GRAP2: variants seen among roughly 807,000 people sequenced by gnomAD.
GRAP2 encodes the protein GRB2 related adaptor protein 2, also known as GRB2-related adapter protein 2.
GRAP2 carries 31 observed loss-of-function variants against 43.5 expected under a neutral mutation model. That is an observed-to-expected ratio of 0.71 (90% CI 0.54 to 0.96). The LOEUF is 0.96. Among genes scored for constraint, GRAP2 ranks in the 40% least tolerant of loss-of-function variants. The probability of loss-of-function intolerance (pLI) is 0.00; values close to 1 mark genes in which losing one functional copy is unlikely to be tolerated. For synonymous variants in GRAP2, 156 were observed against 164.8 expected (o/e 0.95, Z 0.41); for missense variants, 371 against 424.4 (o/e 0.87, Z 1.11).
chr22:39,911,890 C>T (rs137967), intron 1 of GRAP2, among the ~76,000 whole-genome samples: 69,133 of 151,930 alleles, frequency 0.46, 16,793 homozygotes, highest in East Asian at 0.67. Flanking sequence ...AGAATCTAAA[C>T]TGTGAAAAAA....
chr22:39,911,904 C>T (rs572587676), intron 1 of GRAP2, among the ~76,000 whole-genome samples: 1 of 152,248 alleles, frequency 6.6e-6, no homozygotes, highest in East Asian at 1.9e-4. Context: ...GAAAAAATTC[C>T]CCTGGTGATT....
At chr22:39,906,462 T>C (rs2066523948) in intron 1 of GRAP2, among the ~76,000 whole-genome samples, 1 of 152,206 alleles carries the variant, frequency 6.6e-6, no homozygotes, top group Non-Finnish European at 1.5e-5. Context: ...AGGGTTCGAC[T>C]GCTGAGTTGA....
chr22:39,946,771 T>C, intron 1 of GRAP2: 2 of 269,632 alleles, frequency 7.4e-6, no homozygotes, highest in South Asian at 1.1e-4. Flanking sequence ...CCTTCCCTCC[T>C]TATCAGCTGC....
intron 1 of GRAP2, among the ~76,000 whole-genome samples, chr22:39,927,303 C>A (rs1043582203): frequency 1.3e-5 from 2 of 152,152 alleles, no homozygotes; most frequent in Admixed American, 1.3e-4. Context: ...GGGTTTATTT[C>A]ATTGTTGATT....
intron 3 of GRAP2, among the ~76,000 whole-genome samples, chr22:39,959,203 GGCTGCAGCCACA>G (rs2067089869): frequency 6.6e-6 from 1 of 152,222 alleles, no homozygotes; most frequent in African/African-American, 2.4e-5. Context: ...CCTGCTTTGA[GGCTGCAGCCACA>G]GCTTGCCTGG....
chr22:39,957,272 G>C (rs1156503341), intron 3 of GRAP2, among the ~76,000 whole-genome samples: 2 of 152,128 alleles, frequency 1.3e-5, no homozygotes, highest in Non-Finnish European at 1.5e-5. Flanking sequence ...CGGAACCCTT[G>C]ATGCTGCCCA....
chr22:39,930,609 G>A (rs907862488), intron 1 of GRAP2, among the ~76,000 whole-genome samples: 2 of 152,046 alleles, frequency 1.3e-5, no homozygotes, highest in Non-Finnish European at 2.9e-5. Flanking sequence ...CTCCATCTTC[G>A]GTTCACCCTG....
intron 1 of GRAP2, among the ~76,000 whole-genome samples, chr22:39,912,693 A>G (rs2066575613): frequency 6.6e-6 from 1 of 152,230 alleles, no homozygotes; most frequent in Admixed American, 6.5e-5. Context: ...ATGTGCGACC[A>G]TAAACCATAG....
chr22:39,951,518 C>T (rs2066982041), intron 2 of GRAP2, among the ~76,000 whole-genome samples: 1 of 152,174 alleles, frequency 6.6e-6, no homozygotes, highest in Non-Finnish European at 1.5e-5. Context: ...ATTCTTCCAG[C>T]CGTAATTTGG....
At position 39,965,334 on chromosome 22, in the gene GRAP2, C is replaced by T. The variant is rs567931753; in HGVS notation, c.291-656C>T. 2.0e-5 allele frequency among the ~76,000 whole-genome samples: 3 copies of T among 152,298 alleles called. No individual in the cohort carries two copies. The South Asian group carries it at 6.2e-4, about 32-fold the overall frequency. On this transcript the variant is annotated intron_variant, in intron 4 of 7. Transcript: ENST00000344138. Reference sequence around the variant, plus strand: ...GTTGCAGTGAGCAGAGATCACACCACTGCACTCCAGCCTGGGCGACAGAGT... The same window carrying T: ...GTTGCAGTGAGCAGAGATCACACCATTGCACTCCAGCCTGGGCGACAGAGT...
chr22:39,969,437 A>G lies in GRAP2; in HGVS notation c.717A>G (p.Ile239Met), dbSNP rs1387536267. 1.9e-6 allele frequency: 3 copies of G among 1,613,894 alleles called. No homozygotes were observed. In the African/African-American group the frequency reaches 4.0e-5, roughly 22 times the overall value. Residue 239 changes from isoleucine (I) to methionine (M), a missense_variant, in exon 7 of 8, where the codon ATA becomes ATG. Coordinates refer to ENST00000344138, the MANE Select transcript of GRAP2 (RefSeq NM_004810.4). ...HQERRGGSLDINDGHCGTGLG... is the reference protein window; with the variant it reads ...HQERRGGSLDMNDGHCGTGLG... ...AACGCCGAGGAGGCAGCCTTGACAT[A>G]AATGATGGGCATTGTGGCACCGGCT...
At chr22:39,939,561 CAAAAA>C (rs386395434) in intron 1 of GRAP2, among the ~76,000 whole-genome samples, 2 of 64,168 alleles carry the variant, frequency 3.1e-5, no homozygotes, top group African/African-American at 1.3e-4. Flanking sequence ...GACTCCGTCT[CAAAAA>C]AAAAAAAAAA....
intron 1 of GRAP2, among the ~76,000 whole-genome samples, chr22:39,945,553 G>A (rs960977399): frequency 6.6e-6 from 1 of 152,156 alleles, no homozygotes; most frequent in Non-Finnish European, 1.5e-5. Context: ...TTAGGTTGGA[G>A]AGTATTTATT....
In GRAP2 at chr22:39,901,216, T is replaced by C. The variant is rs902898429; in HGVS notation, c.-129T>C. On this transcript the variant is annotated 5_prime_UTR_variant, in exon 1 of 8. Transcript: ENST00000344138. ...TGGAAGACAGCACAAAGTGGATCCA[T>C]ACTCTGAAATGCAGTAACTCTGATG... The C allele has an allele frequency of 5.9e-5, 59 of 998,600 alleles. No homozygotes were observed. Among genetic ancestry groups the C allele is most frequent in the Non-Finnish European group, 7.5e-5 (54 of 723,310 alleles). 61.9% of individuals were successfully genotyped at this position (998,600 alleles called of 1,614,324 possible).
intron 1 of GRAP2, among the ~76,000 whole-genome samples, chr22:39,916,801 C>T (rs1204671618): frequency 2.0e-5 from 3 of 152,150 alleles, no homozygotes; most frequent in South Asian, 4.1e-4. Flanking sequence ...AATCCTTGAG[C>T]TGTTTTATTA....
chr22:39,926,695 T>C (rs1884423924), intron 1 of GRAP2: 2 of 985,068 alleles, frequency 2.0e-6, no homozygotes, highest in African/African-American at 3.5e-5. Context: ...CATGCATGAG[T>C]CGGGGGATTG....
At chr22:39,949,929 A>G (rs2066964356) in intron 2 of GRAP2, among the ~76,000 whole-genome samples, 1 of 152,060 alleles carries the variant, frequency 6.6e-6, no homozygotes, top group Non-Finnish European at 1.5e-5. Flanking sequence ...GACAAATCAG[A>G]TCATATCATT....
intron 2 of GRAP2, among the ~76,000 whole-genome samples, chr22:39,950,808 G>C (rs2066974226): frequency 1.3e-5 from 2 of 152,188 alleles, no homozygotes; most frequent in Non-Finnish European, 2.9e-5. Context: ...GATGGTGATT[G>C]GTTCCCATGG....
In GRAP2 at chr22:39,955,926, CT is replaced by C. The variant is rs775544411; in HGVS notation, c.170+17del. ...AGTTTCCCAAGTAAGTATCTGCAGC[CT>C]GCTGAGATGGGCCTAGCCACACACA... On this transcript the variant is annotated intron_variant, in intron 3 of 7. Coordinates refer to ENST00000344138, the MANE Select transcript of GRAP2 (RefSeq NM_004810.4). 5 of 1,145,336 alleles carry C rather than the reference CT, an allele frequency of 4.4e-6. No homozygotes were observed. In the South Asian group the frequency reaches 6.1e-5, roughly 14 times the overall value. The allele number at this position is 1,145,336 out of a possible 1,614,324, so 70.9% of individuals were successfully genotyped here. A position where few individuals can be genotyped will look rare whatever the true frequency, so the allele number is the denominator to read the frequency against.
Sources: gnomAD v4.1 joint callset for allele counts (sites outside exome capture counted in the v4.1 genomes callset) on GRCh38, gnomAD v4.1.1 for gene constraint, MANE v1.5 for transcripts, NCBI Gene and HGNC (gene_info 2026-07-23, HGNC 2026-07-21) for gene names.